CCNYL1: variants seen among roughly 807,000 people sequenced by gnomAD.
The protein encoded by CCNYL1 is cyclin-Y-like protein 1.
CCNYL1 carries 16 observed loss-of-function variants against 44.2 expected under a neutral mutation model. The observed-to-expected ratio is 0.36, with a 90% CI of 0.25 to 0.55. The LOEUF is 0.55. Ranked by LOEUF, CCNYL1 falls within the 20% of genes least tolerant of loss-of-function variation. CCNYL1 has a pLI of 0.85. For missense variants in CCNYL1, 348 were observed against 451.8 expected (o/e 0.77, Z 2.08); for synonymous variants, 159 against 163.2 (o/e 0.97, Z 0.20).
intron 7 of CCNYL1, among the ~76,000 whole-genome samples, chr2:207,746,811 A>G (rs1304174145): frequency 6.6e-6 from 1 of 152,194 alleles, no homozygotes; most frequent in African/African-American, 2.4e-5. Flanking sequence ...CCCCGTCTCT[A>G]CTGAAAATAC....
chr2:207,741,178 G>T (rs946465330), intron 6 of CCNYL1, among the ~76,000 whole-genome samples: 2 of 151,946 alleles, frequency 1.3e-5, no homozygotes, highest in Non-Finnish European at 2.9e-5. Context: ...TGGCGTGAAC[G>T]TGGAAGGCGG....
chr2:207,728,224 A>G (rs1328985061), intron 3 of CCNYL1, among the ~76,000 whole-genome samples: 2 of 151,346 alleles, frequency 1.3e-5, no homozygotes, highest in East Asian at 3.9e-4. Flanking sequence ...TTGGCCTCCC[A>G]AAGTGGGGAT....
At chr2:207,747,338 T>C in intron 8 of CCNYL1, 125 bp downstream of exon 8, 1 of 696,294 alleles carries the variant, frequency 1.4e-6, no homozygotes. Context: ...GGCATAAGAC[T>C]ATATCTGTCT....
intron 3 of CCNYL1, among the ~76,000 whole-genome samples, chr2:207,729,792 T>A (rs1008585248): frequency 6.6e-6 from 1 of 152,092 alleles, no homozygotes; most frequent in African/African-American, 2.4e-5. Context: ...TCTGCCAAGA[T>A]GCAACCTCTT....
At chr2:207,732,629 G>T (rs769112293) in intron 3 of CCNYL1, among the ~76,000 whole-genome samples, 1 of 151,658 alleles carries the variant, frequency 6.6e-6, no homozygotes, top group Non-Finnish European at 1.5e-5. Flanking sequence ...TTAGTATTCT[G>T]TGGTTTTAAA....
At chr2:207,729,257 CCCGCCCCCACCCCACCCCCCCCA>C (rs1227312260) in intron 3 of CCNYL1, among the ~76,000 whole-genome samples, 7 of 99,068 alleles carry the variant, frequency 7.1e-5, no homozygotes, top group African/African-American at 3.4e-4. Flanking sequence ...TCCGCCCCCC[CCCGCCCCCACCCCACCCCCCCCA>C]CCCCCCCGCA....
intron 1 of CCNYL1, among the ~76,000 whole-genome samples, chr2:207,721,321 T>G (rs2091638466): frequency 6.6e-6 from 1 of 152,262 alleles, no homozygotes; most frequent in South Asian, 2.1e-4. Context: ...TGCTGCCCTC[T>G]CCCTTTAATA....
intron 1 of CCNYL1, among the ~76,000 whole-genome samples, chr2:207,717,057 C>T (rs1044161526): frequency 2.0e-5 from 3 of 148,258 alleles, no homozygotes; most frequent in African/African-American, 5.0e-5. Context: ...TGCAGTGAGC[C>T]GAGATCACGC....
chr2:207,713,230 C>A (rs1236805092), intron 1 of CCNYL1, among the ~76,000 whole-genome samples: 1 of 152,144 alleles, frequency 6.6e-6, no homozygotes, highest in Non-Finnish European at 1.5e-5. Flanking sequence ...CCTCCTTGTT[C>A]TAAAAGAGAG....
intron 5 of CCNYL1, among the ~76,000 whole-genome samples, chr2:207,738,885 A>AT (rs2091786282): frequency 6.6e-6 from 1 of 151,736 alleles, no homozygotes; most frequent in African/African-American, 2.4e-5. Context: ...ATACCAGCTA[A>AT]TTTTTTGTAT....
chr2:207,727,027 GA>G (rs1307155466), intron 3 of CCNYL1, 151 bp downstream of exon 3: 1 of 512,434 alleles, frequency 2.0e-6, no homozygotes, highest in Non-Finnish European at 3.4e-6. Context: ...CTGAGAATCA[GA>G]TTTATGCAGG....
chr2:207,725,598 C>G (rs2091674138), intron 2 of CCNYL1, among the ~76,000 whole-genome samples: 1 of 152,208 alleles, frequency 6.6e-6, no homozygotes, highest in South Asian at 2.1e-4. Context: ...TCCTTTTATA[C>G]AATGCTCTAA....
intron 3 of CCNYL1, 40 bp from the exon 4 acceptor site, chr2:207,733,907 A>T (rs747913918): frequency 3.1e-6 from 4 of 1,305,842 alleles, no homozygotes; most frequent in Non-Finnish European, 4.4e-6. Context: ...TATAGGTTTA[A>T]CTTACTGTGA....
At chr2:207,745,175 C>T (rs1288668498) in intron 7 of CCNYL1, among the ~76,000 whole-genome samples, 1 of 152,120 alleles carries the variant, frequency 6.6e-6, no homozygotes, top group African/African-American at 2.4e-5. Flanking sequence ...TGAGAGGACA[C>T]ATCCGGGGAG....
At position 207,712,080 on chromosome 2, in the gene CCNYL1, C is replaced by G; in HGVS notation, c.184C>G (p.His62Asp). 6.3e-7 allele frequency: 1 copy of G among 1,589,528 alleles called. No individual in the cohort carries two copies. Among genetic ancestry groups the G allele is most frequent in the Admixed American group, 1.7e-5 (1 of 57,642 alleles). ...ELDFGEGEGH[H>D]LQHISDREMP... ...GGATTTCGGAGAGGGCGAGGGCCAC[C>G]ACCTGCAGCACATCAGCGACCGCGA... is the stretch of plus-strand genomic sequence containing the variant. Residue 62 changes from histidine to aspartate, a missense_variant, in exon 1 of 10, where the codon CAC becomes GAC. His to Asp is a moderately conservative substitution (Grantham distance 81, BLOSUM62 -1). Around this residue, in one of 3 missense-constraint regions of CCNYL1, gnomAD observed 209 missense variants for 247.7 expected, o/e 0.84. Coordinates refer to ENST00000295414, the MANE Select transcript of CCNYL1 (RefSeq NM_001330218.2).
At chr2:207,752,050 T>G (rs1298688717) in intron 9 of CCNYL1, among the ~76,000 whole-genome samples, 1 of 151,914 alleles carries the variant, frequency 6.6e-6, no homozygotes, top group Non-Finnish European at 1.5e-5. Context: ...AAAAAAAATT[T>G]TTTCTTTGCG....
intron 8 of CCNYL1, among the ~76,000 whole-genome samples, chr2:207,748,153 C>T (rs530183194): frequency 6.6e-6 from 1 of 152,290 alleles, no homozygotes; most frequent in South Asian, 2.1e-4. Flanking sequence ...ATATGAAGAT[C>T]CCTGTGCCCC....
chr2:207,719,947 T>C (rs1341839235), intron 1 of CCNYL1, among the ~76,000 whole-genome samples: 1 of 151,990 alleles, frequency 6.6e-6, no homozygotes, highest in East Asian at 1.9e-4. Context: ...TACAGCACTT[T>C]GGGAGGCTGA....
rs536736798 is a variant in CCNYL1 at position 207,738,329 on chromosome 2, T to G, written c.467+883T>G. ...TCCACTTCCCAAGTTCAAGCGATTC[T>G]CCTGCCTCGGGCTCCCGAGTAGGTG... is the stretch of plus-strand genomic sequence containing the variant. On this transcript the variant is annotated intron_variant, in intron 5 of 9. Transcript: ENST00000295414. Among the ~76,000 whole-genome samples the G allele has an allele frequency of 5.3e-3, 813 of 152,272 alleles. 5 individuals are homozygous for G. The highest frequency in any genetic ancestry group is 0.014 in the Middle Eastern group (4 of 294).
Sources: allele counts gnomAD v4.1 joint callset (sites outside exome capture counted in the v4.1 genomes callset), GRCh38; gene constraint gnomAD v4.1.1; regional missense constraint gnomAD v4.1.1; transcripts MANE v1.5; gene names NCBI Gene and HGNC (gene_info 2026-07-23, HGNC 2026-07-21).